Variants in PPP5C observed in about 807,000 individuals in gnomAD.
PPP5C encodes the protein serine/threonine-protein phosphatase 5.
Under a neutral mutation model 66.7 loss-of-function variants are expected in PPP5C, and 21 were observed. That is an observed-to-expected ratio of 0.31 (90% CI 0.22 to 0.45). The LOEUF (loss-of-function observed/expected upper bound fraction) is 0.45, where lower values mean the gene tolerates loss of function less well. Ranked by LOEUF, PPP5C falls within the 20% of genes least tolerant of loss-of-function variation. The pLI is 1.00. For missense variants in PPP5C, 464 were observed against 675.9 expected (o/e 0.69, Z 3.48); for synonymous variants, 246 against 257.4 (o/e 0.96, Z 0.43).
At position 46,383,644 on chromosome 19, in the gene PPP5C, C is replaced by T. The variant is rs1408257335; in HGVS notation, c.700-136C>T. 4.9e-6 allele frequency: 5 copies of T among 1,019,840 alleles called. No individual in the cohort carries two copies. The highest frequency in any genetic ancestry group is 4.7e-5 in the South Asian group (3 of 63,974). 63.2% of individuals were successfully genotyped at this position (1,019,840 alleles called of 1,614,324 possible). A position where few individuals can be genotyped will look rare whatever the true frequency, so the allele number is the denominator to read the frequency against. ...ATTTCTCTCCTGGCCTCTTGGTCTT[C>T]GTTTGTGTTCCCTGCTTGTGTCTCT... On this transcript the variant is annotated intron_variant, in intron 5 of 12. Transcript: ENST00000012443. The surrounding 1 kb of genome is among the most constrained non-coding windows in gnomAD (Gnocchi z 5.0).
intron 1 of PPP5C, among the ~76,000 whole-genome samples, chr19:46,347,667 T>TG (rs1427247406): frequency 1.0e-5 from 1 of 97,744 alleles, no homozygotes; most frequent in African/African-American, 4.2e-5. Flanking sequence ...GATCATTAGA[T>TG]GGGGGGAACA....
rs199990514 is a variant in PPP5C, at chr19:46,390,263, C to T, written c.1438-21C>T. On this transcript the variant is annotated intron_variant, in intron 12 of 12. Transcript: ENST00000012443. ...GGCTCTGTTCTGACTTCTGTCCATC[C>T]CACCTGCCCTGGTCCCACAGCCTCA... 21 of 1,594,446 alleles carry T rather than the reference C, an allele frequency of 1.3e-5. No homozygotes were observed. In the East Asian group the frequency reaches 4.3e-4, roughly 33 times the overall value.
intron 4 of PPP5C, among the ~76,000 whole-genome samples, chr19:46,379,919 G>A (rs1972761621): frequency 6.6e-6 from 1 of 152,094 alleles, no homozygotes; most frequent in Non-Finnish European, 1.5e-5. Flanking sequence ...CCGGAACCCT[G>A]GATGAAAAAG....
chr19:46,360,017 G>T (rs1015966467), intron 2 of PPP5C, among the ~76,000 whole-genome samples: 1 of 152,046 alleles, frequency 6.6e-6, no homozygotes, highest in Non-Finnish European at 1.5e-5. Context: ...GACCTCAGGT[G>T]ATCCACCTGC....
At chr19:46,368,106 G>A (rs967553517) in intron 2 of PPP5C, among the ~76,000 whole-genome samples, 1 of 152,170 alleles carries the variant, frequency 6.6e-6, no homozygotes, top group African/African-American at 2.4e-5. Context: ...AATCAAAACA[G>A]CAGCACATCC....
intron 7 of PPP5C, among the ~76,000 whole-genome samples, chr19:46,386,473 T>C (rs1361011304): frequency 6.6e-6 from 1 of 151,526 alleles, no homozygotes; most frequent in East Asian, 1.9e-4. Flanking sequence ...ACAAGCAGAG[T>C]CTGAGCAGAT....
intron 4 of PPP5C, among the ~76,000 whole-genome samples, chr19:46,380,449 C>T (rs982719858): frequency 2.0e-5 from 3 of 152,184 alleles, no homozygotes; most frequent in Admixed American, 2.0e-4. Flanking sequence ...AGACACTAGT[C>T]TTCTAAAGAA....
chr19:46,386,896 A>G, intron 7 of PPP5C, 197 bp from the exon 8 acceptor site: 1 of 709,618 alleles, frequency 1.4e-6, no homozygotes, highest in Middle Eastern at 4.1e-4. Flanking sequence ...GGCGTGAGCC[A>G]TGGTGCTTAG....
intron 2 of PPP5C, among the ~76,000 whole-genome samples, chr19:46,361,540 A>G (rs1972390425): frequency 7.0e-6 from 1 of 143,748 alleles, no homozygotes; most frequent in South Asian, 2.2e-4. Context: ...AGGTCAAGAG[A>G]TCGAGACCAT....
intron 2 of PPP5C, among the ~76,000 whole-genome samples, chr19:46,355,275 G>GC (rs34946932): frequency 2.1e-5 from 3 of 141,378 alleles, no homozygotes; most frequent in Non-Finnish European, 4.7e-5. Context: ...TTGTTATCCT[G>GC]CCCCCCGACA....
At chr19:46,389,771 G>T (rs1452894175) in intron 11 of PPP5C, among the ~76,000 whole-genome samples, 1 of 152,020 alleles carries the variant, frequency 6.6e-6, no homozygotes, top group African/African-American at 2.4e-5. Flanking sequence ...CAGATTCCTA[G>T]TGGGGTCTGG....
At chr19:46,351,055 C>T (rs1277915087) in intron 1 of PPP5C, among the ~76,000 whole-genome samples, 1 of 152,138 alleles carries the variant, frequency 6.6e-6, no homozygotes, top group Non-Finnish European at 1.5e-5. Flanking sequence ...CTCTGTGGGC[C>T]TCAGTGCCCC....
At chr19:46,347,323 A>G in intron 1 of PPP5C, 106 bp downstream of exon 1, 4 of 1,440,448 alleles carry the variant, frequency 2.8e-6, no homozygotes. Flanking sequence ...CGGGGCAGAC[A>G]CTACCAAGTG....
At chr19:46,390,170 G>T in intron 12 of PPP5C, 38 bp downstream of exon 12, 2 of 1,611,124 alleles carry the variant, frequency 1.2e-6, no homozygotes, top group African/African-American at 2.7e-5. Context: ...CTTCCATCCC[G>T]GCCTGGGGAC....
At chr19:46,373,562 C>T (rs1012206169) in intron 2 of PPP5C, among the ~76,000 whole-genome samples, 56 of 152,222 alleles carry the variant, frequency 3.7e-4, no homozygotes, top group Non-Finnish European at 4.6e-4. Flanking sequence ...TGTTTGCCTT[C>T]ATCTGCCTTC....
Position 46,387,182 on chromosome 19 carries a change from A to G in PPP5C, c.994A>G (p.Ser332Gly). 2 of 1,614,244 alleles carry G rather than the reference A, an allele frequency of 1.2e-6. No homozygotes were observed. Among genetic ancestry groups the G allele is most frequent in the Non-Finnish European group, 1.7e-6 (2 of 1,180,052 alleles). The part of the protein sequence containing the change: ...KYTAQMYELF[S>G]EVFEWLPLAQ... ...CACAGCCCAGATGTACGAGCTCTTT[A>G]GCGAGGTGTTCGAGTGGCTCCCGTT... The change falls in exon 8 of 13, where the codon AGC becomes GGC. Residue 332 changes from serine to glycine, a missense_variant. Transcript: ENST00000012443.
At position 46,390,697 on chromosome 19, in the gene PPP5C, A is replaced by G; in HGVS notation, c.*351A>G. Reference sequence around the variant, plus strand: ...CCCACTCAAGCAATAGGGCCCCGCCATAGGAAGACCCCCAGAGAGAGGGTC... The same window carrying G: ...CCCACTCAAGCAATAGGGCCCCGCCGTAGGAAGACCCCCAGAGAGAGGGTC... On this transcript the variant is annotated 3_prime_UTR_variant, in exon 13 of 13. Coordinates refer to ENST00000012443, the MANE Select transcript of PPP5C (RefSeq NM_006247.4). 8.4e-7 allele frequency: 1 copy of G among 1,195,374 alleles called. No homozygotes were observed. The highest frequency in any genetic ancestry group is 1.1e-6 in the Non-Finnish European group (1 of 949,936). The allele number at this position is 1,195,374 out of a possible 1,614,324, so 74.0% of individuals were successfully genotyped here.
intron 6 of PPP5C, 48 bp from the exon 7 acceptor site, chr19:46,384,756 A>C: frequency 2.0e-5 from 27 of 1,371,838 alleles, no homozygotes; most frequent in African/African-American, 2.9e-5. Flanking sequence ...ACCCCACCGC[A>C]CCGCACCCTT....
At chr19:46,356,871 A>C (rs559662629) in intron 2 of PPP5C, among the ~76,000 whole-genome samples, 96 of 152,326 alleles carry the variant, frequency 6.3e-4, no homozygotes, top group African/African-American at 1.4e-3. Flanking sequence ...TGCGGTCACC[A>C]GTGCAGGGGC....
Sources: gnomAD v4.1 joint callset for allele counts (sites outside exome capture counted in the v4.1 genomes callset) on GRCh38, gnomAD v4.1.1 for gene constraint, Gnocchi (gnomAD v3.1) non-coding constraint, MANE v1.5 for transcripts, NCBI Gene and HGNC (gene_info 2026-07-23, HGNC 2026-07-21) for gene names.